KIF5C: variants seen among roughly 807,000 people sequenced by gnomAD.
KIF5C encodes kinesin heavy chain isoform 5C.
KIF5C carries 18 observed loss-of-function variants against 125.2 expected under a neutral mutation model. The ratio of observed to expected loss-of-function variants is 0.14; its 90% CI spans 0.10 to 0.21. KIF5C has a LOEUF of 0.21. Among genes scored for constraint, KIF5C ranks in the 10% least tolerant of loss-of-function variants. The pLI, the probability that KIF5C is intolerant of heterozygous loss-of-function variation, is 1.00. For synonymous variants in KIF5C, 405 were observed against 434.0 expected, an observed-to-expected ratio of 0.93 and a Z score of 0.83; for missense variants, 780 against 1,183.8, an observed-to-expected ratio of 0.66 and a Z score of 5.01.
intron 10 of KIF5C, among the ~76,000 whole-genome samples, chr2:148,951,088 A>G (rs759279154): frequency 6.6e-5 from 10 of 152,338 alleles, no homozygotes; most frequent in Admixed American, 2.0e-4. Context: ...ACTGGAGTCT[A>G]CCTTTTAGGT....
intron 1 of KIF5C, 52 bp from the exon 2 acceptor site, chr2:148,922,085 A>T: frequency 7.9e-7 from 1 of 1,262,796 alleles, no homozygotes; most frequent in Admixed American, 2.0e-5. Flanking sequence ...TTATTCCTAA[A>T]CATCTAATGT....
At chr2:148,964,783 GA>G (rs1335563437) in intron 11 of KIF5C, among the ~76,000 whole-genome samples, 2 of 152,158 alleles carry the variant, frequency 1.3e-5, no homozygotes. Context: ...GGGCTCGAGG[GA>G]TAGGCGGGGC....
chr2:148,930,986 A>T (rs1421875946), intron 3 of KIF5C, among the ~76,000 whole-genome samples: 1 of 152,148 alleles, frequency 6.6e-6, no homozygotes, highest in East Asian at 1.9e-4. Flanking sequence ...TTGCAGTTCT[A>T]CATTTCCTGT....
chr2:149,011,794 C>A, intron 25 of KIF5C, 111 bp downstream of exon 25: 3 of 1,393,942 alleles, frequency 2.2e-6, no homozygotes, highest in South Asian at 1.4e-5. Context: ...TGCTCTACTC[C>A]AGCACACACC....
chr2:148,977,461 C>G (rs554908685), intron 12 of KIF5C, among the ~76,000 whole-genome samples: 1 of 152,294 alleles, frequency 6.6e-6, no homozygotes, highest in African/African-American at 2.4e-5. Context: ...TATTTAAGTG[C>G]TCAGGAACAT....
chr2:148,931,448 G>A (rs947592273), intron 3 of KIF5C, among the ~76,000 whole-genome samples: 3 of 152,052 alleles, frequency 2.0e-5, no homozygotes, highest in Non-Finnish European at 4.4e-5. Flanking sequence ...CAGCACATAG[G>A]TCAGGAGTTC....
At chr2:148,973,713 A>G (rs918909692) in intron 12 of KIF5C, among the ~76,000 whole-genome samples, 1 of 152,206 alleles carries the variant, frequency 6.6e-6, no homozygotes, top group African/African-American at 2.4e-5. Context: ...TGACTGAAAA[A>G]GCAGTGTGTT....
intron 1 of KIF5C, among the ~76,000 whole-genome samples, chr2:148,887,606 A>G (rs531801950): frequency 6.6e-6 from 1 of 152,306 alleles, no homozygotes; most frequent in African/African-American, 2.4e-5. Flanking sequence ...TATTCAGGGA[A>G]ACCTCAGGCA....
rs1270846410 is a variant in KIF5C, at chr2:148,981,339, C to T, written c.1363-16C>T. The T allele has an allele frequency of 1.3e-6, 2 of 1,598,006 alleles. No individual in the cohort carries two copies. The highest frequency in any genetic ancestry group is 1.3e-5 in the African/African-American group (1 of 74,346). On this transcript the variant is annotated splice_polypyrimidine_tract_variant and intron_variant, in intron 13 of 25. Coordinates refer to ENST00000435030, the MANE Select transcript of KIF5C (RefSeq NM_004522.3). ...AACATTAGATTCACAAGTTCCATGC[C>T]ATCTCATTTCCCCAGCTTTTAGCTT...
intron 17 of KIF5C, 37 bp from the exon 18 acceptor site, chr2:148,997,227 A>T (rs760582925): frequency 4.6e-5 from 73 of 1,595,800 alleles, no homozygotes; most frequent in Admixed American, 1.4e-4. Context: ...GAGTCCCACC[A>T]GTTAAGTCTT....
At chr2:148,889,330 A>C (rs545468249) in intron 1 of KIF5C, among the ~76,000 whole-genome samples, 35 of 152,304 alleles carry the variant, frequency 2.3e-4, no homozygotes, top group African/African-American at 7.9e-4. Context: ...TGAATTGTAA[A>C]CTAATTGTAT....
chr2:148,893,720 T>C (rs557757187), intron 1 of KIF5C, among the ~76,000 whole-genome samples: 1 of 152,320 alleles, frequency 6.6e-6, no homozygotes, highest in South Asian at 2.1e-4. Context: ...TCCGAATGGG[T>C]ACACATAATA....
intron 1 of KIF5C, among the ~76,000 whole-genome samples, chr2:148,900,243 A>G (rs1680844251): frequency 6.6e-6 from 1 of 151,962 alleles, no homozygotes; most frequent in African/African-American, 2.4e-5. Flanking sequence ...CTGATAATTT[A>G]TCTCCCCCTT....
At chr2:149,009,562 C>T (rs888828659) in intron 23 of KIF5C, among the ~76,000 whole-genome samples, 2 of 152,110 alleles carry the variant, frequency 1.3e-5, no homozygotes, top group African/African-American at 4.8e-5. Context: ...GCCCTTGAGC[C>T]CACTCCTACC....
intron 7 of KIF5C, 86 bp downstream of exon 7, chr2:148,942,846 A>T: frequency 6.5e-7 from 1 of 1,549,500 alleles, no homozygotes; most frequent in Non-Finnish European, 8.7e-7. Flanking sequence ...AATTAGGTAC[A>T]AATGAAAGAA....
At chr2:148,985,044 T>G (rs1268166849) in intron 15 of KIF5C, among the ~76,000 whole-genome samples, 1 of 151,992 alleles carries the variant, frequency 6.6e-6, no homozygotes, top group Non-Finnish European at 1.5e-5. Context: ...CTCAAGTGAT[T>G]CGCCTGCCTC....
intron 12 of KIF5C, among the ~76,000 whole-genome samples, chr2:148,975,359 A>G (rs923253159): frequency 1.3e-5 from 2 of 152,200 alleles, no homozygotes; most frequent in African/African-American, 4.8e-5. Flanking sequence ...CGCTTGAAGA[A>G]TACATGAGGT....
At chr2:148,892,240 C>A (rs1228861226) in intron 1 of KIF5C, among the ~76,000 whole-genome samples, 4 of 152,192 alleles carry the variant, frequency 2.6e-5, no homozygotes, top group Non-Finnish European at 5.9e-5. Flanking sequence ...ATTTTCTAAA[C>A]TAGAATTTCT....
At chr2:149,022,894 A>G (rs1682572440) in intron 25 of KIF5C, among the ~76,000 whole-genome samples, 184 bp from the exon 26 acceptor site, 1 of 152,360 alleles carries the variant, frequency 6.6e-6, no homozygotes. Context: ...ACTGCACCCC[A>G]GCCTGGGTGA....
Sources: allele counts gnomAD v4.1 joint callset (sites outside exome capture counted in the v4.1 genomes callset), GRCh38; gene constraint gnomAD v4.1.1; transcripts MANE v1.5; gene names NCBI Gene and HGNC (gene_info 2026-07-23, HGNC 2026-07-21).